Variants in MAGI2 observed in about 807,000 individuals in gnomAD.
MAGI2 encodes the protein membrane associated guanylate kinase, WW and PDZ domain containing 2, also known as membrane-associated guanylate kinase, WW and PDZ domain-containing protein 2.
Under a neutral mutation model 133.3 loss-of-function variants are expected in MAGI2, and 35 were observed. The observed-to-expected ratio is 0.26, with a 90% confidence interval of 0.20 to 0.35. The LOEUF (loss-of-function observed/expected upper bound fraction) is 0.35. Ranked by LOEUF, MAGI2 falls within the 10% of genes least tolerant of loss-of-function variation. MAGI2 has a pLI of 1.00. For missense variants in MAGI2, 1,636 were observed against 1,863.4 expected (o/e 0.88, Z 2.25); for synonymous variants, 729 against 710.6 (o/e 1.03, Z -0.41).
At chr7:79,305,465 C>A (rs967002481) in intron 1 of MAGI2, among the ~76,000 whole-genome samples, 1 of 152,134 alleles carries the variant, frequency 6.6e-6, no homozygotes, top group Non-Finnish European at 1.5e-5. Flanking sequence ...GTATTAATAC[C>A]TCATTCTTTC....
chr7:78,711,359 A>T (rs1420648527), intron 2 of MAGI2, among the ~76,000 whole-genome samples: 1 of 152,164 alleles, frequency 6.6e-6, no homozygotes, highest in Non-Finnish European at 1.5e-5. Flanking sequence ...TGGAGGTTGC[A>T]GAGAGGAGGG....
At chr7:79,048,346 C>T (rs1812362859) in intron 1 of MAGI2, among the ~76,000 whole-genome samples, 1 of 152,158 alleles carries the variant, frequency 6.6e-6, no homozygotes, top group Admixed American at 6.5e-5. Flanking sequence ...TAATATTACA[C>T]ACACACAGTT....
intron 21 of MAGI2, among the ~76,000 whole-genome samples, chr7:78,047,930 T>C (rs1811601428): frequency 1.3e-5 from 2 of 152,226 alleles, no homozygotes; most frequent in African/African-American, 2.4e-5. Context: ...GCCATATTCT[T>C]GCAGTCCTCC....
At chr7:78,510,691 A>G (rs1260481034) in intron 4 of MAGI2, among the ~76,000 whole-genome samples, 1 of 152,178 alleles carries the variant, frequency 6.6e-6, no homozygotes, top group African/African-American at 2.4e-5. Context: ...AAAGGAGGAA[A>G]AGCAATCTTC....
At position 78,557,080 on chromosome 7, in the gene MAGI2, C is replaced by CAAAAAAAAAAAAAAAAAAAA. The variant is rs796371005; in HGVS notation, c.539-35455_539-35436dup. On this transcript the variant is annotated intron_variant, in intron 3 of 21. Coordinates refer to ENST00000354212, the MANE Select transcript of MAGI2 (RefSeq NM_012301.4). Reference sequence around the variant, plus strand: ...TACTCCAGCCTGGGTGGCAGAGTCTCAAAAAAAAAAAAAAAAAAAAGAAAA... The same window carrying CAAAAAAAAAAAAAAAAAAAA: ...TACTCCAGCCTGGGTGGCAGAGTCTCAAAAAAAAAAAAAAAAAAAAAAAAAAAAAAAAAAAAAAAAGAAAA... Among the ~76,000 whole-genome samples, 68 of 40,892 alleles carry CAAAAAAAAAAAAAAAAAAAA rather than the reference C, an allele frequency of 1.7e-3. 2 individuals are homozygous for CAAAAAAAAAAAAAAAAAAAA. Among genetic ancestry groups the CAAAAAAAAAAAAAAAAAAAA allele is most frequent in the African/African-American group, 3.0e-3 (26 of 8,614 alleles). The allele number at this position is 40,892 out of a possible 152,430, so 26.8% of individuals were successfully genotyped here. A position where few individuals can be genotyped will look rare whatever the true frequency, so the allele number is the denominator to read the frequency against.
chr7:78,720,563 AT>A (rs1419943204), intron 2 of MAGI2, among the ~76,000 whole-genome samples: 2 of 151,982 alleles, frequency 1.3e-5, no homozygotes, highest in Non-Finnish European at 2.9e-5. Flanking sequence ...TGTCAGAATA[AT>A]CTCTTACATT....
intron 9 of MAGI2, among the ~76,000 whole-genome samples, chr7:78,293,763 G>T (rs908929606): frequency 3.0e-4 from 45 of 152,254 alleles, no homozygotes; most frequent in Admixed American, 1.6e-3. Flanking sequence ...CCATAAAAAA[G>T]GATGAGTTCA....
intron 7 of MAGI2, among the ~76,000 whole-genome samples, chr7:78,364,272 T>G (rs1326091942): frequency 1.3e-5 from 2 of 152,234 alleles, no homozygotes; most frequent in Non-Finnish European, 2.9e-5. Flanking sequence ...TTTTATAAAC[T>G]TTAAAGTTAG....
intron 9 of MAGI2, among the ~76,000 whole-genome samples, chr7:78,331,304 C>A (rs142720778): frequency 6.8e-6 from 1 of 146,232 alleles, no homozygotes; most frequent in Non-Finnish European, 1.5e-5. Flanking sequence ...CAAACCTCAG[C>A]GTCACGCAAT....
At chr7:78,787,270 G>C (rs1156483893) in intron 2 of MAGI2, among the ~76,000 whole-genome samples, 19 of 152,156 alleles carry the variant, frequency 1.2e-4, no homozygotes, top group Non-Finnish European at 4.4e-5. Context: ...ACTACAAGAT[G>C]GAAAGGAAAC....
chr7:78,571,431 T>G (rs552560240), intron 3 of MAGI2, among the ~76,000 whole-genome samples: 1 of 152,314 alleles, frequency 6.6e-6, no homozygotes, highest in South Asian at 2.1e-4. Flanking sequence ...TCCAAATTTA[T>G]GACGGCTCAA....
At chr7:78,221,376 C>T (rs1350060994) in intron 10 of MAGI2, among the ~76,000 whole-genome samples, 1 of 152,124 alleles carries the variant, frequency 6.6e-6, no homozygotes, top group Admixed American at 6.5e-5. Context: ...TGAAAACCAT[C>T]AAAGGGTTTA....
chr7:78,020,027 G>T (rs1563010333), intron 21 of MAGI2, 51 bp from the exon 22 acceptor site: 1 of 1,493,954 alleles, frequency 6.7e-7, no homozygotes. Context: ...GGACGTCCCC[G>T]TGCCCTCTCT....
In MAGI2 at chr7:78,745,218, A is replaced by C. The variant is rs367768712; in HGVS notation, c.419-117979T>G. Reference sequence around the variant, plus strand: ...TTATTTCAGCCTCATTTTACATATAAAATAAGTCTCAACTGGAATGAAAAA... The same window carrying C: ...TTATTTCAGCCTCATTTTACATATACAATAAGTCTCAACTGGAATGAAAAA... On this transcript the variant is annotated intron_variant, in intron 2 of 21. Transcript: ENST00000354212. Among the ~76,000 whole-genome samples, 19 of 152,298 alleles carry C rather than the reference A, an allele frequency of 1.2e-4. No individual in the cohort carries two copies. The South Asian group carries it at 3.3e-3, about 27-fold the overall frequency.
chr7:79,153,108 G>C (rs1267727995), intron 1 of MAGI2, among the ~76,000 whole-genome samples: 1 of 152,122 alleles, frequency 6.6e-6, no homozygotes, highest in African/African-American at 2.4e-5. Flanking sequence ...TTTCCTGGTA[G>C]AGCCTAGATT....
At chr7:78,859,555 T>C (rs913596998) in intron 2 of MAGI2, among the ~76,000 whole-genome samples, 6 of 152,360 alleles carry the variant, frequency 3.9e-5, no homozygotes, top group African/African-American at 1.4e-4. Flanking sequence ...TTTAGGAATG[T>C]TGAATATTGG....
intron 13 of MAGI2, among the ~76,000 whole-genome samples, chr7:78,178,824 C>A (rs1181528724): frequency 6.6e-6 from 1 of 152,124 alleles, no homozygotes. Context: ...CATAGATTGA[C>A]TTTTGACTTC....
intron 1 of MAGI2, among the ~76,000 whole-genome samples, chr7:79,362,582 G>A (rs1842436264): frequency 6.6e-6 from 1 of 151,998 alleles, no homozygotes; most frequent in Non-Finnish European, 1.5e-5. Context: ...ATAAAAATAT[G>A]TGTATACCAT....
At chr7:78,147,151 T>G (rs1389684819) in intron 16 of MAGI2, among the ~76,000 whole-genome samples, 1 of 152,208 alleles carries the variant, frequency 6.6e-6, no homozygotes, top group Non-Finnish European at 1.5e-5. Flanking sequence ...CAGTATGTTT[T>G]AACCTGAAAG....
Sources: gnomAD v4.1 joint callset for allele counts (sites outside exome capture counted in the v4.1 genomes callset) on GRCh38, gnomAD v4.1.1 for gene constraint, MANE v1.5 for transcripts, NCBI Gene and HGNC (gene_info 2026-07-23, HGNC 2026-07-21) for gene names.